Variants in DPP10 observed in about 807,000 individuals in gnomAD.
DPP10 encodes the protein dipeptidyl peptidase like 10, also known as inactive dipeptidyl peptidase 10.
A neutral mutation model predicts 120.9 loss-of-function variants in DPP10; 33 were observed. The observed-to-expected ratio is 0.27, with a 90% CI of 0.21 to 0.37. The LOEUF is 0.37. Among genes scored for constraint, DPP10 ranks in the 10% least tolerant of loss-of-function variants. The pLI, the probability that DPP10 is intolerant of heterozygous loss-of-function variation, is 1.00. For synonymous variants in DPP10, 337 were observed against 326.1 expected (o/e 1.03, Z -0.36); for missense variants, 816 against 942.8 (o/e 0.87, Z 1.76).
At chr2:115,724,720 T>A (rs1366220374) in intron 7 of DPP10, among the ~76,000 whole-genome samples, 1 of 152,294 alleles carries the variant, frequency 6.6e-6, no homozygotes, top group East Asian at 1.9e-4. Context: ...CACCTGAGAC[T>A]GGGTAATTTA....
intron 1 of DPP10, among the ~76,000 whole-genome samples, chr2:114,737,338 C>T (rs954498757): frequency 2.0e-5 from 3 of 152,128 alleles, no homozygotes; most frequent in African/African-American, 7.2e-5. Flanking sequence ...GTGCAGGTGC[C>T]TCCTCCATCA....
rs547253429 is a variant in DPP10 at position 115,262,945 on chromosome 2, G to T, written c.61-46294G>T. ...GGTACTTGCAGTGGAAGAAGCATAAGCATCCTACATTTATACCCTTTTCCC... is the reference window on the plus strand; with the variant it reads ...GGTACTTGCAGTGGAAGAAGCATAATCATCCTACATTTATACCCTTTTCCC... On this transcript the variant is annotated intron_variant, in intron 1 of 25. Transcript: ENST00000410059. Among the ~76,000 whole-genome samples, 3 of 152,242 alleles carry T rather than the reference G, an allele frequency of 2.0e-5. No homozygotes were observed. In the East Asian group the frequency reaches 5.8e-4, roughly 29 times the overall value.
rs529543482 is a variant in DPP10 at position 115,403,627 on chromosome 2, T to C, written c.271+59715T>C. On this transcript the variant is annotated intron_variant, in intron 3 of 25. Transcript: ENST00000410059. ...GTTGCCCATTCTGGCCTCTAACTCCTAACCTCAAGTGATCCATCCACCTGC... is the reference window on the plus strand; with the variant it reads ...GTTGCCCATTCTGGCCTCTAACTCCCAACCTCAAGTGATCCATCCACCTGC... Among the ~76,000 whole-genome samples the C allele has an allele frequency of 4.6e-5, 7 of 152,194 alleles. No homozygotes were observed. The South Asian group carries it at 1.4e-3, about 32-fold the overall frequency.
At chr2:115,347,655 C>T (rs1474157773) in intron 3 of DPP10, among the ~76,000 whole-genome samples, 1 of 151,990 alleles carries the variant, frequency 6.6e-6, no homozygotes, top group Non-Finnish European at 1.5e-5. Context: ...CTGACAGGCC[C>T]TGGTGTGTGA....
chr2:115,648,925 C>A (rs2149371323), intron 5 of DPP10, among the ~76,000 whole-genome samples: 1 of 152,070 alleles, frequency 6.6e-6, no homozygotes, highest in African/African-American at 2.4e-5. Flanking sequence ...GGAGTAGGGA[C>A]ACCAACCCAG....
intron 5 of DPP10, among the ~76,000 whole-genome samples, chr2:115,545,961 C>T (rs2079475271): frequency 6.6e-6 from 1 of 152,134 alleles, no homozygotes; most frequent in East Asian, 1.9e-4. Flanking sequence ...ATGCTCAGGG[C>T]TTTTCCAACG....
At chr2:114,468,779 G>T (rs1209296088) in intron 1 of DPP10, among the ~76,000 whole-genome samples, 5 of 152,280 alleles carry the variant, frequency 3.3e-5, no homozygotes, top group South Asian at 2.1e-4. Flanking sequence ...AAATAATTTT[G>T]TGGGGATTTT....
At chr2:114,665,114 ATAT>A (rs1697818542) in intron 1 of DPP10, among the ~76,000 whole-genome samples, 1 of 152,194 alleles carries the variant, frequency 6.6e-6, no homozygotes, top group South Asian at 2.1e-4. Context: ...TCAGTACCTT[ATAT>A]TACAACATAG....
intron 1 of DPP10, among the ~76,000 whole-genome samples, chr2:114,695,968 A>G (rs906862848): frequency 1.3e-5 from 2 of 152,110 alleles, no homozygotes; most frequent in South Asian, 4.1e-4. Context: ...GTCTTATAGT[A>G]TGGTATTTAG....
chr2:114,543,262 C>T (rs1190442309), intron 1 of DPP10, among the ~76,000 whole-genome samples: 2 of 152,198 alleles, frequency 1.3e-5, no homozygotes, highest in African/African-American at 4.8e-5. Context: ...TTGCTAAGCA[C>T]TGGCGACGTC....
intron 3 of DPP10, among the ~76,000 whole-genome samples, chr2:115,378,269 A>G (rs1438139055): frequency 3.3e-5 from 5 of 151,240 alleles, no homozygotes; most frequent in Admixed American, 3.3e-4. Context: ...GGTCCTTCAC[A>G]TCCCTTGTAA....
chr2:115,093,214 T>G (rs1165322517), intron 1 of DPP10, among the ~76,000 whole-genome samples: 1 of 152,136 alleles, frequency 6.6e-6, no homozygotes, highest in Non-Finnish European at 1.5e-5. Flanking sequence ...GTTATACATA[T>G]AAAGTTAAAA....
chr2:114,801,155 C>G (rs754959495), intron 1 of DPP10, among the ~76,000 whole-genome samples: 2 of 149,518 alleles, frequency 1.3e-5, no homozygotes, highest in Non-Finnish European at 3.0e-5. Flanking sequence ...CCCAGCTACT[C>G]GGGAGGCTGA....
At chr2:115,730,051 A>C (rs1450066500) in intron 8 of DPP10, among the ~76,000 whole-genome samples, 1 of 152,168 alleles carries the variant, frequency 6.6e-6, no homozygotes, top group East Asian at 1.9e-4. Context: ...TTATTTTCCT[A>C]CCATTTAATA....
intron 7 of DPP10, among the ~76,000 whole-genome samples, chr2:115,696,648 T>G (rs1026206616): frequency 6.6e-6 from 1 of 152,180 alleles, no homozygotes; most frequent in Non-Finnish European, 1.5e-5. Flanking sequence ...CACTAGGCAG[T>G]GATTTGAAGC....
At chr2:115,500,426 G>T (rs2076625906) in intron 4 of DPP10, among the ~76,000 whole-genome samples, 1 of 151,772 alleles carries the variant, frequency 6.6e-6, no homozygotes, top group Non-Finnish European at 1.5e-5. Flanking sequence ...AAGCAAAATT[G>T]TTGGCTACTT....
chr2:115,566,877 A>G (rs776886388), intron 5 of DPP10, among the ~76,000 whole-genome samples: 4 of 152,148 alleles, frequency 2.6e-5, no homozygotes, highest in Non-Finnish European at 2.9e-5. Context: ...ATTTAATATT[A>G]CAGGGTTTAA....
chr2:114,729,206 A>G (rs1676649033), intron 1 of DPP10, among the ~76,000 whole-genome samples: 1 of 152,262 alleles, frequency 6.6e-6, no homozygotes, highest in Non-Finnish European at 1.5e-5. Flanking sequence ...GCATTCAACC[A>G]AAAGCAAAAC....
At chr2:114,719,151 G>A (rs933367231) in intron 1 of DPP10, among the ~76,000 whole-genome samples, 2 of 152,124 alleles carry the variant, frequency 1.3e-5, no homozygotes, top group African/African-American at 4.8e-5. Context: ...ACTTGACTTA[G>A]CTTTAGCAAA....
Sources: allele counts gnomAD v4.1 joint callset (sites outside exome capture counted in the v4.1 genomes callset), GRCh38; gene constraint gnomAD v4.1.1; transcripts MANE v1.5; gene names NCBI Gene and HGNC (gene_info 2026-07-23, HGNC 2026-07-21).